The following NR3C2 variants were observed in gnomAD, a reference collection of about 807,000 sequenced individuals.
NR3C2 encodes mineralocorticoid receptor.
NR3C2 carries 15 observed loss-of-function variants against 86.4 expected under a neutral mutation model. The ratio of observed to expected loss-of-function variants is 0.17; its 90% CI spans 0.12 to 0.27. The LOEUF (loss-of-function observed/expected upper bound fraction) is 0.27, where lower values mean the gene tolerates loss of function less well. NR3C2 is among the 10% of genes least tolerant of loss of function. The probability of loss-of-function intolerance (pLI) is 1.00; values close to 1 mark genes in which losing one functional copy is unlikely to be tolerated. For synonymous variants in NR3C2, 458 were observed against 450.5 expected, an observed-to-expected ratio of 1.02 and a Z score of -0.21; for missense variants, 960 against 1,195.6, an observed-to-expected ratio of 0.80 and a Z score of 2.91.
intron 4 of NR3C2, among the ~76,000 whole-genome samples, chr4:148,158,200 T>C (rs1366077088): frequency 6.6e-6 from 1 of 152,138 alleles, no homozygotes; most frequent in Non-Finnish European, 1.5e-5. Flanking sequence ...TTCCGATGAA[T>C]GGATGAGTGA....
intron 2 of NR3C2, among the ~76,000 whole-genome samples, chr4:148,371,840 T>A (rs887849012): frequency 1.3e-5 from 2 of 152,144 alleles, no homozygotes; most frequent in Admixed American, 1.3e-4. Flanking sequence ...AGCTAGTGAG[T>A]GACAGAGGCC....
chr4:148,219,025 A>G lies in NR3C2; in HGVS notation c.1898-24163T>C, dbSNP rs186994844. ...GGTTAAGTGTATGTTTAATATTTTAAGAAACTGCCAAATCATTTTCCATGC... is the reference window on the plus strand; with the variant it reads ...GGTTAAGTGTATGTTTAATATTTTAGGAAACTGCCAAATCATTTTCCATGC... On this transcript the variant is annotated intron_variant, in intron 3 of 8. Transcript: ENST00000358102. 3.9e-5 allele frequency among the ~76,000 whole-genome samples: 6 copies of G among 152,326 alleles called. No individual in the cohort carries two copies. The East Asian group carries it at 1.2e-3, about 29-fold the overall frequency.
intron 3 of NR3C2, 106 bp downstream of exon 3, chr4:148,259,872 C>A (rs1302965761): frequency 1.4e-6 from 2 of 1,440,124 alleles, no homozygotes; most frequent in East Asian, 2.3e-5. Context: ...CAGATTAAAT[C>A]AAAAATCTTT....
intron 3 of NR3C2, among the ~76,000 whole-genome samples, chr4:148,253,292 A>G (rs1739663971): frequency 6.6e-6 from 1 of 151,990 alleles, no homozygotes; most frequent in African/African-American, 2.4e-5. Context: ...GCTGATTAAC[A>G]TTCATAATAA....
chr4:148,346,397 A>C (rs1744993581), intron 2 of NR3C2, among the ~76,000 whole-genome samples: 1 of 152,068 alleles, frequency 6.6e-6, no homozygotes, highest in Non-Finnish European at 1.5e-5. Context: ...ATGGGATGCA[A>C]ACACTGGAGG....
At chr4:148,323,041 G>T (rs1743711642) in intron 2 of NR3C2, among the ~76,000 whole-genome samples, 3 of 148,450 alleles carry the variant, frequency 2.0e-5, no homozygotes, top group Middle Eastern at 7.0e-3. Flanking sequence ...TGATGGTGAT[G>T]TACAGATGGG....
chr4:148,079,660 G>C lies in NR3C2; in HGVS notation c.*1684C>G, dbSNP rs1730449550. 6.6e-6 allele frequency: 1 copy of C among 152,376 alleles called. No homozygotes were observed. The highest frequency in any genetic ancestry group is 2.4e-5 in the African/African-American group (1 of 41,186). 9.4% of individuals were successfully genotyped at this position (152,376 alleles called of 1,614,324 possible). On this transcript the variant is annotated 3_prime_UTR_variant, in exon 9 of 9. Coordinates refer to ENST00000358102, the MANE Select transcript of NR3C2 (RefSeq NM_000901.5). Reference sequence around the variant, plus strand: ...TGGGGCAAGAGAAAAGCCATACATTGCATCAGTGCCAAACAAACAGATTAA... The same window carrying C: ...TGGGGCAAGAGAAAAGCCATACATTCCATCAGTGCCAAACAAACAGATTAA...
At chr4:148,260,935 A>C (rs1287950683) in intron 2 of NR3C2, among the ~76,000 whole-genome samples, 1 of 152,202 alleles carries the variant, frequency 6.6e-6, no homozygotes, top group Non-Finnish European at 1.5e-5. Flanking sequence ...TTAACTTCTG[A>C]TAAGGAATCA....
intron 4 of NR3C2, among the ~76,000 whole-genome samples, chr4:148,160,163 C>T (rs72945934): frequency 0.02 from 3,011 of 152,198 alleles, 96 homozygotes; most frequent in African/African-American, 0.069. Context: ...AACATTTTGG[C>T]AGCCACTCTT....
intron 7 of NR3C2, among the ~76,000 whole-genome samples, chr4:148,115,600 G>A (rs1222388819): frequency 2.0e-5 from 3 of 152,124 alleles, no homozygotes; most frequent in South Asian, 2.1e-4. Context: ...AGTATTGTGT[G>A]CAACCCTGGA....
chr4:148,425,487 C>T (rs1381024257), intron 2 of NR3C2, among the ~76,000 whole-genome samples: 3 of 152,076 alleles, frequency 2.0e-5, no homozygotes, highest in African/African-American at 7.2e-5. Context: ...AGGCAGGAAA[C>T]CAAAATCAGG....
intron 4 of NR3C2, among the ~76,000 whole-genome samples, chr4:148,172,932 A>C (rs1735200731): frequency 6.6e-6 from 1 of 152,244 alleles, no homozygotes; most frequent in Non-Finnish European, 1.5e-5. Context: ...TAACATTGCA[A>C]AACTGTCTAA....
chr4:148,226,836 A>G (rs1738193300), intron 3 of NR3C2, among the ~76,000 whole-genome samples: 1 of 152,166 alleles, frequency 6.6e-6, no homozygotes, highest in Non-Finnish European at 1.5e-5. Context: ...TCTGACTACA[A>G]ATGATGTTGA....
chr4:148,378,855 A>G (rs1746811272), intron 2 of NR3C2, among the ~76,000 whole-genome samples: 1 of 152,184 alleles, frequency 6.6e-6, no homozygotes, highest in Non-Finnish European at 1.5e-5. Context: ...ATCTTTGTAC[A>G]CAGAAATACA....
chr4:148,148,015 T>C (rs1733946274), intron 6 of NR3C2, among the ~76,000 whole-genome samples: 2 of 151,806 alleles, frequency 1.3e-5, no homozygotes, highest in South Asian at 4.2e-4. Flanking sequence ...TCAACATTTT[T>C]AACTTTAGTC....
At chr4:148,150,365 G>A (rs1168074745) in intron 6 of NR3C2, among the ~76,000 whole-genome samples, 1 of 152,074 alleles carries the variant, frequency 6.6e-6, no homozygotes, top group East Asian at 1.9e-4. Context: ...TTCCTAGTTT[G>A]TTAACATTGA....
intron 8 of NR3C2, among the ~76,000 whole-genome samples, chr4:148,096,708 G>C (rs996173638): frequency 3.3e-5 from 5 of 152,050 alleles, no homozygotes; most frequent in African/African-American, 1.2e-4. Flanking sequence ...AAAATCCAAA[G>C]AATAATATTT....
intron 2 of NR3C2, among the ~76,000 whole-genome samples, chr4:148,355,418 A>T (rs1745503947): frequency 6.6e-6 from 1 of 152,194 alleles, no homozygotes; most frequent in Non-Finnish European, 1.5e-5. Context: ...TTTGCCCAGA[A>T]GCCGCTACCC....
intron 2 of NR3C2, among the ~76,000 whole-genome samples, chr4:148,385,967 C>A (rs1051289989): frequency 6.6e-6 from 1 of 152,176 alleles, no homozygotes; most frequent in Non-Finnish European, 1.5e-5. Flanking sequence ...AATCATCTTC[C>A]TATTTCAGAT....
Sources: allele counts gnomAD v4.1 joint callset (sites outside exome capture counted in the v4.1 genomes callset), GRCh38; gene constraint gnomAD v4.1.1; transcripts MANE v1.5; gene names NCBI Gene and HGNC (gene_info 2026-07-23, HGNC 2026-07-21).